Variants in RALYL observed in about 807,000 individuals in gnomAD.
The protein encoded by RALYL is RALY RNA binding protein like.
A neutral mutation model predicts 35.1 loss-of-function variants in RALYL; 29 were observed. That is an observed-to-expected ratio of 0.83 (90% CI 0.61 to 1.13). The LOEUF (loss-of-function observed/expected upper bound fraction) is 1.13. Ranked by LOEUF, RALYL falls within the 50% of genes most tolerant of loss-of-function variation. The pLI is 0.00. For synonymous variants in RALYL, 120 were observed against 127.6 expected (o/e 0.94, Z 0.40); for missense variants, 359 against 360.4 (o/e 1.00, Z 0.03).
chr8:84,397,940 C>T (rs1020780501), intron 1 of RALYL, among the ~76,000 whole-genome samples: 2 of 152,174 alleles, frequency 1.3e-5, no homozygotes, highest in Admixed American at 6.5e-5. Context: ...CTCCCTTTGG[C>T]TTTCTTCACT....
chr8:84,509,331 A>C (rs1257502540), intron 1 of RALYL, among the ~76,000 whole-genome samples: 1 of 152,154 alleles, frequency 6.6e-6, no homozygotes, highest in Admixed American at 6.5e-5. Flanking sequence ...CCTTGATTAA[A>C]TGCATTTATG....
chr8:84,426,954 A>G (rs1375325685), intron 1 of RALYL, among the ~76,000 whole-genome samples: 3 of 152,204 alleles, frequency 2.0e-5, no homozygotes, highest in African/African-American at 7.2e-5. Flanking sequence ...CACATACCCA[A>G]AGGAAATGAA....
intron 2 of RALYL, among the ~76,000 whole-genome samples, chr8:84,737,867 A>G (rs1847600036): frequency 6.6e-6 from 1 of 152,024 alleles, no homozygotes; most frequent in Non-Finnish European, 1.5e-5. Context: ...TGCTCTTACC[A>G]GACACAGAAT....
chr8:84,364,230 G>T (rs929106782), intron 1 of RALYL, among the ~76,000 whole-genome samples: 1 of 152,132 alleles, frequency 6.6e-6, no homozygotes, highest in African/African-American at 2.4e-5. Context: ...GAGGGAGGCT[G>T]CCATTTTCAT....
intron 1 of RALYL, among the ~76,000 whole-genome samples, chr8:84,409,296 C>G (rs1586932441): frequency 6.6e-6 from 1 of 151,932 alleles, no homozygotes; most frequent in East Asian, 1.9e-4. Context: ...ATTGAGTGCT[C>G]TAGGATAAAT....
At chr8:84,883,685 T>TATC (rs767646936) in intron 7 of RALYL, among the ~76,000 whole-genome samples, 5 of 152,014 alleles carry the variant, frequency 3.3e-5, no homozygotes, top group Non-Finnish European at 4.4e-5. Flanking sequence ...AGACAAACCA[T>TATC]ATCAGTACTG....
intron 2 of RALYL, among the ~76,000 whole-genome samples, chr8:84,708,044 C>T (rs949380884): frequency 3.3e-5 from 5 of 152,086 alleles, no homozygotes; most frequent in Admixed American, 3.3e-4. Flanking sequence ...GGAAAGTCTT[C>T]TTACAATTTT....
rs1395517127 is a variant in RALYL, at chr8:84,614,786, T to TC, written c.256+85209_256+85210insC. Among the ~76,000 whole-genome samples, 13 of 151,158 alleles carry TC rather than the reference T, an allele frequency of 8.6e-5. No homozygotes were observed. The East Asian group carries it at 2.3e-3, about 27-fold the overall frequency. ...TCCTCCCTTCTTTCCTTTTTTTTTT[T>TC]TTTTTCATTTTCTTTGTTTGGAAAC... On this transcript the variant is annotated intron_variant, in intron 2 of 8. Coordinates refer to ENST00000521268, the MANE Select transcript of RALYL (RefSeq NM_173848.7).
At chr8:84,582,187 G>A (rs991348711) in intron 2 of RALYL, among the ~76,000 whole-genome samples, 1 of 151,964 alleles carries the variant, frequency 6.6e-6, no homozygotes, top group Non-Finnish European at 1.5e-5. Context: ...ATATATTCAA[G>A]TCCTTCCTAA....
intron 1 of RALYL, among the ~76,000 whole-genome samples, chr8:84,390,830 A>C (rs1860515004): frequency 6.6e-6 from 1 of 151,962 alleles, no homozygotes; most frequent in Non-Finnish European, 1.5e-5. Flanking sequence ...AGTTCCTCCC[A>C]GTCCACTGTC....
intron 1 of RALYL, among the ~76,000 whole-genome samples, chr8:84,257,488 G>A (rs1191848211): frequency 6.6e-6 from 1 of 152,110 alleles, no homozygotes; most frequent in African/African-American, 2.4e-5. Context: ...ATTACTTAAT[G>A]GGACTGCAAA....
chr8:84,615,250 T>C (rs1280344075), intron 2 of RALYL, among the ~76,000 whole-genome samples: 3 of 151,676 alleles, frequency 2.0e-5, no homozygotes, highest in Non-Finnish European at 4.4e-5. Context: ...CAGAGGACTG[T>C]TAGAGATTCT....
At chr8:84,756,410 C>T (rs1423448291) in intron 2 of RALYL, among the ~76,000 whole-genome samples, 1 of 152,118 alleles carries the variant, frequency 6.6e-6, no homozygotes, top group Non-Finnish European at 1.5e-5. Flanking sequence ...TAGCAGCCCC[C>T]ACTCCGTGGC....
intron 1 of RALYL, among the ~76,000 whole-genome samples, chr8:84,462,218 C>A (rs912761085): frequency 2.7e-5 from 4 of 150,664 alleles, no homozygotes; most frequent in African/African-American, 9.7e-5. Context: ...ATGTTCATTG[C>A]TTATTTGTCA....
chr8:84,221,351 TC>T (rs1822164154), intron 1 of RALYL, among the ~76,000 whole-genome samples: 1 of 151,924 alleles, frequency 6.6e-6, no homozygotes, highest in African/African-American at 2.4e-5. Flanking sequence ...GTTTTCACAT[TC>T]ATGGAAGAGA....
chr8:84,516,900 T>C (rs1160307502), intron 1 of RALYL, among the ~76,000 whole-genome samples: 1 of 152,236 alleles, frequency 6.6e-6, no homozygotes. Flanking sequence ...GTTTGAATAC[T>C]ACTTTCTGTC....
chr8:84,421,637 G>A (rs2045618319), intron 1 of RALYL, among the ~76,000 whole-genome samples: 1 of 132,860 alleles, frequency 7.5e-6, no homozygotes. Flanking sequence ...GTTTTCAAAG[G>A]GAATGCTTCC....
rs116501294 is a variant in RALYL, at chr8:84,564,336, T to C, written c.256+34759T>C. Among the ~76,000 whole-genome samples the C allele has an allele frequency of 1.9e-3, 286 of 151,842 alleles. 2 individuals carry two copies. The highest frequency in any genetic ancestry group is 6.7e-3 in the African/African-American group (280 of 41,516). On this transcript the variant is annotated intron_variant, in intron 2 of 8. Coordinates refer to ENST00000521268, the MANE Select transcript of RALYL (RefSeq NM_173848.7). ...CACCCATATTAATATATGTCACACA[T>C]AATAATCTGGCTTCTCTTGAACACT...
At chr8:84,398,720 T>C (rs971912908) in intron 1 of RALYL, among the ~76,000 whole-genome samples, 8 of 152,196 alleles carry the variant, frequency 5.3e-5, no homozygotes, top group African/African-American at 1.7e-4. Context: ...CCACCTGTAA[T>C]CCCATCACTT....
Sources: gnomAD v4.1 joint callset for allele counts (sites outside exome capture counted in the v4.1 genomes callset) on GRCh38, gnomAD v4.1.1 for gene constraint, MANE v1.5 for transcripts, NCBI Gene and HGNC (gene_info 2026-07-23, HGNC 2026-07-21) for gene names.